Variants in ETFA observed in about 807,000 individuals in gnomAD.
ETFA encodes the protein electron transfer flavoprotein subunit alpha.
In ETFA, 22 loss-of-function variants were observed where a neutral mutation model predicts 46.2. The ratio of observed to expected loss-of-function variants is 0.48; its 90% CI spans 0.34 to 0.68. The LOEUF (loss-of-function observed/expected upper bound fraction) is 0.68, where lower values mean the gene tolerates loss of function less well. Among genes scored for constraint, ETFA ranks in the 30% least tolerant of loss-of-function variants. The pLI is 0.01. For missense variants in ETFA, 345 were observed against 401.1 expected (o/e 0.86, Z 1.19); for synonymous variants, 131 against 139.9 (o/e 0.94, Z 0.45).
At chr15:76,223,961 T>C (rs1331104424) in intron 11 of ETFA, among the ~76,000 whole-genome samples, 2 of 152,214 alleles carry the variant, frequency 1.3e-5, no homozygotes, top group Admixed American at 1.3e-4. Flanking sequence ...TTTTAATACA[T>C]AGTACACAGG....
chr15:76,247,214 C>G (rs2039250884), intron 9 of ETFA, among the ~76,000 whole-genome samples: 1 of 152,110 alleles, frequency 6.6e-6, no homozygotes, highest in Admixed American at 6.5e-5. Context: ...AAACAACTAT[C>G]AAGGATTTGT....
chr15:76,280,964 G>A lies in ETFA; in HGVS notation c.733+2793C>T, dbSNP rs150288158. On this transcript the variant is annotated intron_variant, in intron 8 of 11. Transcript: ENST00000557943. ...AGACAGTGTCTCTGTCACCCAGGCC[G>A]GAGTACAGTGGCACAATCTTAGCTC... 3.3e-3 allele frequency among the ~76,000 whole-genome samples: 423 copies of A among 128,048 alleles called. 2 individuals are homozygous for A. The highest frequency in any genetic ancestry group is 4.0e-3 in the Non-Finnish European group (252 of 63,166). The allele number at this position is 128,048 out of a possible 152,430, so 84.0% of individuals were successfully genotyped here. A position where few individuals can be genotyped will look rare whatever the true frequency, so the allele number is the denominator to read the frequency against.
chr15:76,260,533 C>T (rs988867167), intron 9 of ETFA: 14 of 1,468,514 alleles, frequency 9.5e-6, no homozygotes, highest in Admixed American at 3.5e-5. Flanking sequence ...CACACACGTA[C>T]GATCAGGCCC....
intron 5 of ETFA, 157 bp downstream of exon 5, chr15:76,287,689 C>A: frequency 1.7e-6 from 1 of 590,860 alleles, no homozygotes; most frequent in Non-Finnish European, 3.1e-6. Context: ...ATGTCAAGGG[C>A]CACCAGCAAT....
At chr15:76,233,731 T>C (rs1166309298) in intron 9 of ETFA, among the ~76,000 whole-genome samples, 1 of 152,174 alleles carries the variant, frequency 6.6e-6, no homozygotes, top group Non-Finnish European at 1.5e-5. Context: ...ACATTCATAT[T>C]CAGAAAAACC....
intron 9 of ETFA, among the ~76,000 whole-genome samples, chr15:76,272,227 T>C (rs2039542394): frequency 6.6e-6 from 1 of 150,936 alleles, no homozygotes; most frequent in Non-Finnish European, 1.5e-5. Context: ...TCTTTCTTTT[T>C]TTTTTTTTTT....
At chr15:76,228,114 T>C in intron 10 of ETFA, 1 of 379,864 alleles carries the variant, frequency 2.6e-6, no homozygotes, top group South Asian at 2.0e-5. Context: ...ATTATTCTTC[T>C]AGAGGCCACT....
intron 11 of ETFA, among the ~76,000 whole-genome samples, chr15:76,219,693 T>A (rs2038939316): frequency 6.6e-6 from 1 of 152,232 alleles, no homozygotes; most frequent in Non-Finnish European, 1.5e-5. Flanking sequence ...AAAAGAGATA[T>A]ACGAGTGGCC....
intron 11 of ETFA, among the ~76,000 whole-genome samples, chr15:76,225,408 C>T (rs1312352003): frequency 6.6e-6 from 1 of 152,128 alleles, no homozygotes; most frequent in Non-Finnish European, 1.5e-5. Context: ...CCTGCCTCAG[C>T]CTCCCGAGTA....
chr15:76,269,960 G>T (rs1475460541), intron 9 of ETFA, among the ~76,000 whole-genome samples: 1 of 152,174 alleles, frequency 6.6e-6, no homozygotes. Context: ...ACTTCATAAG[G>T]AAGATGTTTA....
At chr15:76,302,119 A>G in intron 1 of ETFA, among the ~76,000 whole-genome samples, 1 of 152,228 alleles carries the variant, frequency 6.6e-6, no homozygotes, top group East Asian at 1.9e-4. Context: ...TTTGGAAGAC[A>G]GTTTGGCAGT....
intron 9 of ETFA, chr15:76,259,677 T>C: frequency 9.6e-7 from 1 of 1,037,486 alleles, no homozygotes; most frequent in Non-Finnish European, 1.5e-6. Context: ...CCGCTGTAGA[T>C]CTTCCAGGAG....
intron 4 of ETFA, among the ~76,000 whole-genome samples, chr15:76,291,626 T>C (rs1015256495): frequency 2.0e-5 from 3 of 151,510 alleles, no homozygotes; most frequent in African/African-American, 4.9e-5. Flanking sequence ...GGCGGGCGCC[T>C]GTAGTCCCAG....
intron 4 of ETFA, among the ~76,000 whole-genome samples, chr15:76,289,607 C>T (rs533604917): frequency 6.6e-6 from 1 of 152,278 alleles, no homozygotes; most frequent in South Asian, 2.1e-4. Flanking sequence ...TCCCATCCAA[C>T]AAGCTGCCTG....
chr15:76,274,690 G>T (rs1399118373), intron 8 of ETFA, among the ~76,000 whole-genome samples, 196 bp from the exon 9 acceptor site: 1 of 152,068 alleles, frequency 6.6e-6, no homozygotes, highest in Non-Finnish European at 1.5e-5. Context: ...TCTTCTGCAT[G>T]CTTTATCAAA....
Position 76,245,026 on chromosome 15 carries a change from A to C in ETFA, c.817-13628T>G, listed in dbSNP as rs532057489. Among the ~76,000 whole-genome samples the C allele has an allele frequency of 3.9e-5, 6 of 152,350 alleles. 1 individual carries two copies. The highest frequency in any genetic ancestry group is 1.4e-4 in the African/African-American group (6 of 41,582). ...AATTAGCTGAGAAGACAAACCAAAG[A>C]TATAATTAAAACTCCTAGTTTTTTG... On this transcript the variant is annotated intron_variant, in intron 9 of 11. Transcript: ENST00000557943.
Position 76,286,412 on chromosome 15 carries a change from T to A in ETFA, c.521A>T (p.Asp174Val). ...ACTACCGCCACTTGTTGCTGCAGCA[T>A]CAAAGGATGTTCCACGGACAGAAAA... Reference protein sequence around the residue: ...KVFSVRGTSFDAAATSGGSAS... With the variant: ...KVFSVRGTSFVAAATSGGSAS... Residue 174 changes from aspartate to valine, a missense_variant, in exon 6 of 12, where the codon GAT (aspartate) becomes GTT (valine). By Grantham distance (152) the Asp-to-Val change is radical (BLOSUM62 -3). Coordinates refer to ENST00000557943, the MANE Select transcript of ETFA (RefSeq NM_000126.4). 6.2e-7 allele frequency: 1 copy of A among 1,613,040 alleles called. No individual in the cohort carries two copies. Among genetic ancestry groups the A allele is most frequent in the Non-Finnish European group, 8.5e-7 (1 of 1,178,996 alleles).
intron 9 of ETFA, among the ~76,000 whole-genome samples, chr15:76,266,698 T>A (rs962891143): frequency 4.6e-5 from 7 of 152,254 alleles, no homozygotes; most frequent in African/African-American, 1.7e-4. Context: ...GGTCAGGAGA[T>A]GGAGACCATC....
In ETFA at chr15:76,284,143, A is replaced by G. The variant is rs560664614; in HGVS notation, c.665-318T>C. ...TGCAATATTTAGCAAAACTCTACAT[A>G]TAATAGATGCTCAATAAATTTCTCT... On this transcript the variant is annotated intron_variant, in intron 7 of 11. Coordinates refer to ENST00000557943, the MANE Select transcript of ETFA (RefSeq NM_000126.4). Among the ~76,000 whole-genome samples, 9 of 152,326 alleles carry G rather than the reference A, an allele frequency of 5.9e-5. No individual in the cohort carries two copies. In the East Asian group the frequency reaches 9.6e-4, roughly 16 times the overall value.
Sources: allele counts gnomAD v4.1 joint callset (sites outside exome capture counted in the v4.1 genomes callset), GRCh38; gene constraint gnomAD v4.1.1; transcripts MANE v1.5; gene names NCBI Gene and HGNC (gene_info 2026-07-23, HGNC 2026-07-21).